Variants in AGAP1 observed in about 807,000 individuals in gnomAD.
AGAP1 encodes ArfGAP with GTPase domain, ankyrin repeat and PH domain 1, also known as arf-GAP with GTPase, ANK repeat and PH domain-containing protein 1.
AGAP1 carries 29 observed loss-of-function variants against 105.3 expected under a neutral mutation model. That is an observed-to-expected ratio of 0.28 (90% CI 0.21 to 0.38). The LOEUF (loss-of-function observed/expected upper bound fraction) is 0.38, where lower values mean the gene tolerates loss of function less well. Ranked by LOEUF, AGAP1 falls within the 10% of genes least tolerant of loss-of-function variation. The pLI, the probability that AGAP1 is intolerant of heterozygous loss-of-function variation, is 1.00. For synonymous variants in AGAP1, 509 were observed against 485.9 expected (o/e 1.05, Z -0.63); for missense variants, 998 against 1,165.1 (o/e 0.86, Z 2.09).
intron 1 of AGAP1, among the ~76,000 whole-genome samples, chr2:235,510,303 G>T (rs138732650): frequency 6.6e-6 from 1 of 152,166 alleles, no homozygotes. Flanking sequence ...TGCAGTAAAG[G>T]ACCCCTTCTT....
chr2:235,693,623 C>T (rs1003625090), intron 1 of AGAP1, among the ~76,000 whole-genome samples: 5 of 152,078 alleles, frequency 3.3e-5, no homozygotes, highest in Non-Finnish European at 4.4e-5. Flanking sequence ...CTCGAAGCTG[C>T]GGCGGGAGGA....
In AGAP1 at chr2:235,618,507, T is replaced by A. The variant is rs143684269; in HGVS notation, c.164-90672T>A. ...ACTTTCTGGTAGACCCATTTCACATTAGTGCAAAAATTTTCAGTCTCAATT... is the reference window on the plus strand; with the variant it reads ...ACTTTCTGGTAGACCCATTTCACATAAGTGCAAAAATTTTCAGTCTCAATT... On this transcript the variant is annotated intron_variant, in intron 1 of 17. Coordinates refer to ENST00000304032, the MANE Select transcript of AGAP1 (RefSeq NM_001037131.3). Among the ~76,000 whole-genome samples, 210 of 152,320 alleles carry A rather than the reference T, an allele frequency of 1.4e-3. 1 individual carries two copies. Among genetic ancestry groups the A allele is most frequent in the Admixed American group, 7.5e-3 (115 of 15,290 alleles).
At chr2:235,539,696 A>T (rs1170280580) in intron 1 of AGAP1, among the ~76,000 whole-genome samples, 2 of 151,936 alleles carry the variant, frequency 1.3e-5, no homozygotes, top group African/African-American at 4.8e-5. Context: ...CCTCTCTTTT[A>T]TCAGCCATTT....
rs897584279 is a variant in AGAP1 at position 235,936,791 on chromosome 2, C to T, written c.1483+5868C>T. Among the ~76,000 whole-genome samples, 1 of 152,104 alleles carries T rather than the reference C, an allele frequency of 6.6e-6. No homozygotes were observed. Among genetic ancestry groups the T allele is most frequent in the Non-Finnish European group, 1.5e-5 (1 of 68,038 alleles). On this transcript the variant is annotated intron_variant, in intron 12 of 17. Coordinates refer to ENST00000304032, the MANE Select transcript of AGAP1 (RefSeq NM_001037131.3). This position sits in a 1 kb window ranked among gnomAD's most constrained non-coding sequence, Gnocchi z 4.7. Reference sequence around the variant, plus strand: ...AGCCTCCGCTGTTGTGACCTTCATGCCTAACACTCGTTTCCCTGGGGATCA... The same window carrying T: ...AGCCTCCGCTGTTGTGACCTTCATGTCTAACACTCGTTTCCCTGGGGATCA...
intron 16 of AGAP1, among the ~76,000 whole-genome samples, chr2:236,091,037 C>T (rs1355738671): frequency 2.0e-5 from 3 of 152,250 alleles, no homozygotes; most frequent in Admixed American, 6.5e-5. Context: ...CCGCACCGGC[C>T]GTAATCGTTC....
chr2:235,784,558 G>T (rs867979097), intron 6 of AGAP1, among the ~76,000 whole-genome samples: 2 of 134,692 alleles, frequency 1.5e-5, no homozygotes, highest in Non-Finnish European at 3.1e-5. Flanking sequence ...TGCTGTGAGC[G>T]ATTACAATGG....
chr2:235,666,285 C>A (rs571985438), intron 1 of AGAP1, among the ~76,000 whole-genome samples: 1 of 152,070 alleles, frequency 6.6e-6, no homozygotes, highest in East Asian at 1.9e-4. Flanking sequence ...GTTTAAAAAG[C>A]CACAGGAAAA....
chr2:235,554,356 C>T (rs886969312), intron 1 of AGAP1, among the ~76,000 whole-genome samples: 6 of 152,206 alleles, frequency 3.9e-5, no homozygotes, highest in Non-Finnish European at 7.3e-5. Context: ...GAGGTCCCTC[C>T]CAGGGCCCAG....
At chr2:235,746,771 G>A (rs1029516105) in intron 5 of AGAP1, among the ~76,000 whole-genome samples, 1 of 152,086 alleles carries the variant, frequency 6.6e-6, no homozygotes, top group Non-Finnish European at 1.5e-5. Flanking sequence ...ACCACTCACA[G>A]GCTGCTGGAG....
intron 1 of AGAP1, chr2:235,669,862 C>T (rs1020889935): frequency 6.1e-5 from 9 of 147,836 alleles, no homozygotes; most frequent in Middle Eastern, 3.4e-3. Context: ...GACCGGCCGC[C>T]TCGCTTGGCC....
At position 236,056,862 on chromosome 2, in the gene AGAP1, G is replaced by A. The variant is rs1275488057; in HGVS notation, c.2114+7581G>A. On this transcript the variant is annotated intron_variant, in intron 16 of 17. Transcript: ENST00000304032. The surrounding 1 kb of genome is among the most constrained non-coding windows in gnomAD (Gnocchi z 4.6). ...ACTCCAGATGCCGCTCTGCAGTCCT[G>A]CTGCTGCTCCTGTTCCTTTTCTGCC... Among the ~76,000 whole-genome samples, 1 of 152,146 alleles carries A rather than the reference G, an allele frequency of 6.6e-6. No homozygotes were observed. The highest frequency in any genetic ancestry group is 1.5e-5 in the Non-Finnish European group (1 of 68,030).
chr2:235,592,609 G>A (rs1945385396), intron 1 of AGAP1, among the ~76,000 whole-genome samples: 1 of 152,248 alleles, frequency 6.6e-6, no homozygotes, highest in Admixed American at 6.5e-5. Context: ...ATTCCAAGCT[G>A]GCTTCACGGG....
Position 235,887,395 on chromosome 2 carries a change from T to C in AGAP1, c.1155+3946T>C, listed in dbSNP as rs1313880204. Among the ~76,000 whole-genome samples, 1 of 152,190 alleles carries C rather than the reference T, an allele frequency of 6.6e-6. No individual in the cohort carries two copies. The highest frequency in any genetic ancestry group is 1.5e-5 in the Non-Finnish European group (1 of 68,032). ...TGTCTGAACATGGGAACCTGCCTCC[T>C]TTTCTCTCCTCTGGGATTCAGGCCC... On this transcript the variant is annotated intron_variant, in intron 10 of 17. Coordinates refer to ENST00000304032, the MANE Select transcript of AGAP1 (RefSeq NM_001037131.3). The surrounding 1 kb of genome is among the most constrained non-coding windows in gnomAD (Gnocchi z 4.1).
intron 1 of AGAP1, among the ~76,000 whole-genome samples, chr2:235,509,314 C>T (rs1941967243): frequency 6.6e-6 from 1 of 152,124 alleles, no homozygotes; most frequent in South Asian, 2.1e-4. Context: ...GTAACCTCTG[C>T]CTCCCAGGTT....
chr2:235,506,765 A>C (rs534279260), intron 1 of AGAP1, among the ~76,000 whole-genome samples: 2 of 152,260 alleles, frequency 1.3e-5, no homozygotes, highest in East Asian at 3.9e-4. Flanking sequence ...TTCCTCACTC[A>C]CATCCATGTT....
rs367772066 is a variant in AGAP1, at chr2:235,852,931, G to A, written c.1051-30414G>A. 91 of 1,305,088 alleles carry A rather than the reference G, an allele frequency of 7.0e-5. 2 individuals are homozygous for A. In the East Asian group the frequency reaches 1.0e-3, roughly 15 times the overall value. The allele number at this position is 1,305,088 out of a possible 1,614,324, so 80.8% of individuals were successfully genotyped here. On this transcript the variant is annotated intron_variant, in intron 9 of 17. Coordinates refer to ENST00000304032, the MANE Select transcript of AGAP1 (RefSeq NM_001037131.3). ...CGCTGCTGTTTGTCCTGACTTCAGC[G>A]CATCTCTGATAGACCTTTGACACCT...
chr2:235,766,040 G>GT (rs1222400289), intron 6 of AGAP1, among the ~76,000 whole-genome samples: 2 of 152,204 alleles, frequency 1.3e-5, no homozygotes, highest in Non-Finnish European at 2.9e-5. Flanking sequence ...AATTAGGTCT[G>GT]TATCTTTTGG....
Position 235,692,740 on chromosome 2 carries a change from C to T in AGAP1, c.164-16439C>T, listed in dbSNP as rs1291977481. ...TATCCTTCCCTGCCGCCTCGTGTGT[C>T]CTGCATGGCATTTGTTACAGCCCGC... On this transcript the variant is annotated intron_variant, in intron 1 of 17. Transcript: ENST00000304032. The surrounding 1 kb of genome is among the most constrained non-coding windows in gnomAD (Gnocchi z 5.8). Among the ~76,000 whole-genome samples the T allele has an allele frequency of 6.6e-6, 1 of 152,212 alleles. No individual in the cohort carries two copies. The highest frequency in any genetic ancestry group is 1.5e-5 in the Non-Finnish European group (1 of 68,044).
At chr2:235,759,306 C>T (rs997687425) in intron 6 of AGAP1, among the ~76,000 whole-genome samples, 19 of 151,616 alleles carry the variant, frequency 1.3e-4, no homozygotes, top group African/African-American at 2.4e-4. Context: ...GTAGCTGGGA[C>T]TACAGGCGCC....
Sources: allele counts gnomAD v4.1 joint callset (sites outside exome capture counted in the v4.1 genomes callset), GRCh38; gene constraint gnomAD v4.1.1; non-coding constraint Gnocchi (gnomAD v3.1); transcripts MANE v1.5; gene names NCBI Gene and HGNC (gene_info 2026-07-23, HGNC 2026-07-21).